Variants in NAALADL2 observed in about 807,000 individuals in gnomAD.
NAALADL2 encodes N-acetylated alpha-linked acidic dipeptidase like 2.
Under a neutral mutation model 87.2 loss-of-function variants are expected in NAALADL2, and 76 were observed. The observed-to-expected ratio is 0.87, with a 90% CI of 0.72 to 1.05. NAALADL2 has a LOEUF of 1.05. Among genes scored for constraint, NAALADL2 ranks in the 50% least tolerant of loss-of-function variants. NAALADL2 has a pLI of 0.00. For synonymous variants in NAALADL2, 354 were observed against 331.0 expected, an observed-to-expected ratio of 1.07 and a Z score of -0.75; for missense variants, 1,089 against 945.8, an observed-to-expected ratio of 1.15 and a Z score of -1.99.
chr3:175,017,221 A>G (rs1750952029), intron 1 of NAALADL2, among the ~76,000 whole-genome samples: 2 of 151,718 alleles, frequency 1.3e-5, no homozygotes, highest in Non-Finnish European at 2.9e-5. Context: ...AATACCGTAT[A>G]TCTTATATAG....
chr3:175,296,849 C>T (rs1756453067), intron 4 of NAALADL2, among the ~76,000 whole-genome samples: 2 of 152,086 alleles, frequency 1.3e-5, no homozygotes, highest in African/African-American at 4.8e-5. Context: ...TGATTTTGAG[C>T]ATTTCAGGGG....
At chr3:175,295,718 A>ACAC (rs1553851707) in intron 4 of NAALADL2, among the ~76,000 whole-genome samples, 7,383 of 143,690 alleles carry the variant, frequency 0.051, 221 homozygotes, top group Non-Finnish European at 0.057. Flanking sequence ...CATGCACACA[A>ACAC]ACACACACAC....
At chr3:174,808,018 A>T (rs1237747334) in intron 3 of NAALADL2, among the ~76,000 whole-genome samples, 2 of 152,000 alleles carry the variant, frequency 1.3e-5, no homozygotes, top group Non-Finnish European at 2.9e-5. Context: ...TGGCTTTTGA[A>T]TTTGTATATT....
At chr3:175,016,688 A>T (rs1258908392) in intron 1 of NAALADL2, among the ~76,000 whole-genome samples, 1 of 151,970 alleles carries the variant, frequency 6.6e-6, no homozygotes, top group East Asian at 1.9e-4. Flanking sequence ...GCTACACTTG[A>T]TCTCCTAGAA....
intron 1 of NAALADL2, among the ~76,000 whole-genome samples, chr3:175,055,228 G>A (rs7612360): frequency 0.081 from 12,256 of 151,938 alleles, 1,631 homozygotes; most frequent in African/African-American, 0.28. Context: ...TCCCATTCTC[G>A]CATACGGCAC....
At chr3:174,670,958 C>A (rs1560132963) in intron 2 of NAALADL2, among the ~76,000 whole-genome samples, 1 of 151,954 alleles carries the variant, frequency 6.6e-6, no homozygotes, top group Admixed American at 6.6e-5. Flanking sequence ...CTCCTGAGAT[C>A]TGGTGGTTTA....
chr3:174,522,716 C>G (rs1212370923), intron 1 of NAALADL2, among the ~76,000 whole-genome samples: 1 of 151,588 alleles, frequency 6.6e-6, no homozygotes, highest in Non-Finnish European at 1.5e-5. Context: ...GGGTGGATCA[C>G]GAGGTCAGGA....
At chr3:174,777,666 ATTC>A (rs1488411964) in intron 3 of NAALADL2, among the ~76,000 whole-genome samples, 2 of 152,120 alleles carry the variant, frequency 1.3e-5, no homozygotes, top group Non-Finnish European at 2.9e-5. Flanking sequence ...AAATTGCACT[ATTC>A]TTTCTGTCTG....
chr3:175,643,293 G>A (rs775603815), intron 11 of NAALADL2, among the ~76,000 whole-genome samples: 11 of 152,130 alleles, frequency 7.2e-5, no homozygotes, highest in Non-Finnish European at 1.3e-4. Flanking sequence ...GGCATTTATT[G>A]TTTCCAACAA....
At chr3:175,187,883 A>G (rs1447095863) in intron 2 of NAALADL2, among the ~76,000 whole-genome samples, 1 of 152,208 alleles carries the variant, frequency 6.6e-6, no homozygotes, top group East Asian at 1.9e-4. Flanking sequence ...ACACATTATT[A>G]ATGAGAAGTG....
chr3:175,372,078 A>G (rs889763800), intron 5 of NAALADL2, among the ~76,000 whole-genome samples: 1 of 152,202 alleles, frequency 6.6e-6, no homozygotes, highest in African/African-American at 2.4e-5. Context: ...TTAAAGGAAT[A>G]ACCCTTAGGA....
At chr3:175,151,234 T>A (rs1247465918) in intron 2 of NAALADL2, among the ~76,000 whole-genome samples, 1 of 152,130 alleles carries the variant, frequency 6.6e-6, no homozygotes, top group Non-Finnish European at 1.5e-5. Context: ...GATCAACAAC[T>A]GGGCAGGCAG....
At chr3:174,610,294 C>CA (rs1719677407) in intron 2 of NAALADL2, among the ~76,000 whole-genome samples, 1 of 152,010 alleles carries the variant, frequency 6.6e-6, no homozygotes, top group African/African-American at 2.4e-5. Context: ...GCAATAGCAA[C>CA]AAAAGACAAA....
chr3:174,674,231 C>G (rs536342193), intron 2 of NAALADL2, among the ~76,000 whole-genome samples: 2 of 152,036 alleles, frequency 1.3e-5, no homozygotes, highest in South Asian at 4.1e-4. Context: ...ACTCACTCAT[C>G]ACCAAGGGGA....
intron 3 of NAALADL2, among the ~76,000 whole-genome samples, chr3:174,827,442 C>A (rs1164076951): frequency 2.0e-5 from 3 of 152,124 alleles, no homozygotes; most frequent in African/African-American, 7.2e-5. Flanking sequence ...GCCTCTCCCT[C>A]CATCTTCAAA....
At chr3:175,057,286 C>T (rs569230391) in intron 1 of NAALADL2, among the ~76,000 whole-genome samples, 50 of 152,184 alleles carry the variant, frequency 3.3e-4, no homozygotes, top group Non-Finnish European at 6.0e-4. Context: ...ACCTGACAAA[C>T]GTGCCTGAAA....
intron 1 of NAALADL2, among the ~76,000 whole-genome samples, chr3:174,879,068 A>T (rs1420533472): frequency 2.0e-5 from 3 of 152,054 alleles, no homozygotes; most frequent in African/African-American, 7.2e-5. Flanking sequence ...CCAAAACAAC[A>T]TTGTATTTTT....
chr3:174,667,550 T>TTTTTTG (rs1390701187), intron 2 of NAALADL2, among the ~76,000 whole-genome samples: 1 of 115,950 alleles, frequency 8.6e-6, no homozygotes, highest in Non-Finnish European at 1.9e-5. Context: ...AGAGAGTTTT[T>TTTTTTG]TTTTTTTTTT....
chr3:175,547,907 G>A (rs1713641444), intron 9 of NAALADL2, among the ~76,000 whole-genome samples: 1 of 152,074 alleles, frequency 6.6e-6, no homozygotes, highest in South Asian at 2.1e-4. Flanking sequence ...AATACCAGAT[G>A]CTGGTGAGGT....
Sources: gnomAD v4.1 joint callset for allele counts (sites outside exome capture counted in the v4.1 genomes callset) on GRCh38, gnomAD v4.1.1 for gene constraint, MANE v1.5 for transcripts, NCBI Gene and HGNC (gene_info 2026-07-23, HGNC 2026-07-21) for gene names.